AGBL1: variants seen among roughly 807,000 people sequenced by gnomAD.
AGBL1 encodes the protein cytosolic carboxypeptidase 4.
AGBL1 carries 130 observed loss-of-function variants against 118.9 expected under a neutral mutation model. That is an observed-to-expected ratio of 1.09 (90% CI 0.95 to 1.26). The LOEUF (loss-of-function observed/expected upper bound fraction) is 1.26. Ranked by LOEUF, AGBL1 falls within the 50% of genes most tolerant of loss-of-function variation. The pLI is 0.00. For missense variants in AGBL1, 1,584 were observed against 1,298.1 expected (o/e 1.22, Z -3.38); for synonymous variants, 555 against 478.9 (o/e 1.16, Z -2.08).
rs139842984 is a variant in AGBL1 at position 86,293,623 on chromosome 15, A to T, written c.2221-1632A>T. Among the ~76,000 whole-genome samples, 105 of 152,270 alleles carry T rather than the reference A, an allele frequency of 6.9e-4. 1 individual carries two copies. The highest frequency in any genetic ancestry group is 2.3e-3 in the African/African-American group (96 of 41,556). ...TCCCTTTCACCATGTGAGGTATCCT[A>T]CCAAAGGTTCTGAAGGTGAGAACGT... On this transcript the variant is annotated intron_variant, in intron 16 of 22. Coordinates refer to ENST00000614907, the MANE Select transcript of AGBL1 (RefSeq NM_001386094.1).
chr15:86,831,559 C>G (rs1332782143), intron 22 of AGBL1, among the ~76,000 whole-genome samples: 1 of 152,206 alleles, frequency 6.6e-6, no homozygotes, highest in Non-Finnish European at 1.5e-5. Context: ...TTTTAAAGCT[C>G]CAGAATGTTC....
intron 9 of AGBL1, among the ~76,000 whole-genome samples, chr15:86,261,708 A>G (rs573843813): frequency 4.5e-4 from 68 of 152,182 alleles, no homozygotes; most frequent in Non-Finnish European, 6.6e-4. Context: ...TTTTCTCTGT[A>G]AGACCCTACA....
chr15:86,441,789 ATCT>A (rs1324504758), intron 18 of AGBL1, among the ~76,000 whole-genome samples: 2 of 152,218 alleles, frequency 1.3e-5, no homozygotes, highest in Admixed American at 1.3e-4. Flanking sequence ...TTAAGCCAGA[ATCT>A]TCTGTCTGCA....
chr15:86,368,392 A>C (rs2141937559), intron 17 of AGBL1, among the ~76,000 whole-genome samples: 1 of 152,342 alleles, frequency 6.6e-6, no homozygotes. Context: ...AAAGCCAGTA[A>C]GAAAACCACA....
intron 18 of AGBL1, among the ~76,000 whole-genome samples, chr15:86,497,869 T>C (rs2082872944): frequency 1.3e-5 from 2 of 151,936 alleles, no homozygotes; most frequent in African/African-American, 4.8e-5. Context: ...CTAAATCACA[T>C]ACCGCTACAC....
chr15:86,984,627 G>T (rs2081263849), intron 23 of AGBL1, among the ~76,000 whole-genome samples: 1 of 152,068 alleles, frequency 6.6e-6, no homozygotes, highest in Non-Finnish European at 1.5e-5. Context: ...GCCTCCCAAA[G>T]TGCTGGGGTT....
At chr15:86,244,525 C>CG (rs11462469) in intron 6 of AGBL1, among the ~76,000 whole-genome samples, 39,809 of 151,738 alleles carry the variant, frequency 0.26, 5,346 homozygotes, top group African/African-American at 0.29. Context: ...TGTAGGGTCG[C>CG]GGGGGAAGGA....
At chr15:86,737,610 C>A (rs1429897007) in intron 22 of AGBL1, among the ~76,000 whole-genome samples, 1 of 152,056 alleles carries the variant, frequency 6.6e-6, no homozygotes, top group East Asian at 1.9e-4. Flanking sequence ...TTTCCTCCTA[C>A]GTAGGGTATG....
intron 6 of AGBL1, among the ~76,000 whole-genome samples, chr15:86,225,316 G>A (rs1338648411): frequency 1.3e-5 from 2 of 151,988 alleles, no homozygotes; most frequent in Non-Finnish European, 2.9e-5. Context: ...TAAATTCCAG[G>A]TTCCAGTGGG....
At chr15:86,304,399 G>A (rs2079804689) in intron 17 of AGBL1, among the ~76,000 whole-genome samples, 1 of 152,116 alleles carries the variant, frequency 6.6e-6, no homozygotes. Flanking sequence ...AGTCTTCCCG[G>A]ATCATGATAT....
intron 1 of AGBL1, among the ~76,000 whole-genome samples, chr15:86,133,452 A>C (rs1439060389): frequency 6.6e-6 from 1 of 152,214 alleles, no homozygotes; most frequent in Non-Finnish European, 1.5e-5. Flanking sequence ...TCCTGGTTGC[A>C]CTTTTATATC....
intron 22 of AGBL1, among the ~76,000 whole-genome samples, chr15:86,840,417 T>C (rs1440462166): frequency 6.6e-6 from 1 of 152,132 alleles, no homozygotes; most frequent in Non-Finnish European, 1.5e-5. Flanking sequence ...CAGGATGCTC[T>C]GTCCAAATGC....
chr15:86,438,405 A>ATC (rs917362696), intron 18 of AGBL1, among the ~76,000 whole-genome samples: 11 of 151,918 alleles, frequency 7.2e-5, no homozygotes, highest in Admixed American at 7.2e-4. Flanking sequence ...AATATACTTT[A>ATC]TCTCTCTCTC....
chr15:86,183,241 A>G (rs2077577810), intron 5 of AGBL1, among the ~76,000 whole-genome samples: 2 of 152,166 alleles, frequency 1.3e-5, no homozygotes, highest in Admixed American at 1.3e-4. Context: ...TTGCAGTTTG[A>G]ATATTTTTAT....
intron 19 of AGBL1, among the ~76,000 whole-genome samples, chr15:86,529,818 A>G (rs2083323704): frequency 6.6e-6 from 1 of 150,780 alleles, no homozygotes; most frequent in African/African-American, 2.5e-5. Context: ...ATTCTTAAAG[A>G]AAAGAATTTT....
intron 1 of AGBL1, among the ~76,000 whole-genome samples, chr15:86,138,893 G>A (rs555005509): frequency 3.3e-5 from 5 of 152,286 alleles, no homozygotes; most frequent in South Asian, 2.1e-4. Flanking sequence ...ACTAATTCCA[G>A]AGACTTCATT....
chr15:86,512,095 A>G (rs2083058991), intron 18 of AGBL1, among the ~76,000 whole-genome samples: 1 of 151,848 alleles, frequency 6.6e-6, no homozygotes, highest in Non-Finnish European at 1.5e-5. Flanking sequence ...TGTTCCAGCT[A>G]CTCTTTCAGG....
At chr15:86,779,194 A>G (rs919868679) in intron 22 of AGBL1, among the ~76,000 whole-genome samples, 2 of 152,186 alleles carry the variant, frequency 1.3e-5, no homozygotes, top group African/African-American at 4.8e-5. Flanking sequence ...TGTGATATGA[A>G]TGGGATGTTT....
At chr15:86,746,709 T>C (rs1413904685) in intron 22 of AGBL1, among the ~76,000 whole-genome samples, 1 of 152,070 alleles carries the variant, frequency 6.6e-6, no homozygotes, top group African/African-American at 2.4e-5. Flanking sequence ...TTCTGTGTAT[T>C]TTATGGCAGC....
Sources: gnomAD v4.1 joint callset for allele counts (sites outside exome capture counted in the v4.1 genomes callset) on GRCh38, gnomAD v4.1.1 for gene constraint, MANE v1.5 for transcripts, NCBI Gene and HGNC (gene_info 2026-07-23, HGNC 2026-07-21) for gene names.